The following EIF5A variants were observed in gnomAD, a reference collection of about 807,000 sequenced individuals.
EIF5A encodes the protein eukaryotic translation initiation factor 5A-1.
Under a neutral mutation model 16.6 loss-of-function variants are expected in EIF5A, and 1 was observed. The ratio of observed to expected loss-of-function variants is 0.06; its 90% CI spans 0.02 to 0.28. The LOEUF (loss-of-function observed/expected upper bound fraction) is 0.28, where lower values mean the gene tolerates loss of function less well. Among genes scored for constraint, EIF5A ranks in the 10% least tolerant of loss-of-function variants. The pLI is 1.00. For missense variants in EIF5A, 29 were observed against 196.1 expected, an observed-to-expected ratio of 0.15 and a Z score of 5.09; for synonymous variants, 80 against 73.6, an observed-to-expected ratio of 1.09 and a Z score of -0.44.
chr17:7,308,499 G>GA, intron 1 of EIF5A: 1 of 1,351,206 alleles, frequency 7.4e-7, no homozygotes, highest in Non-Finnish European at 9.8e-7. Flanking sequence ...GCAGGCATAT[G>GA]TTAGCGCTTC....
upstream of EIF5A, chr17:7,307,444 T>G: frequency 9.3e-7 from 1 of 1,073,354 alleles, no homozygotes; most frequent in Non-Finnish European, 1.1e-6. Context: ...TTGAAAACGC[T>G]CAGGGTTTGT....
chr17:7,308,127 C>T (rs1250043842), intron 1 of EIF5A: 1 of 916,870 alleles, frequency 1.1e-6, no homozygotes, highest in Non-Finnish European at 1.3e-6. Flanking sequence ...GGGGAGGGGG[C>T]TATTCGGTGA....
chr17:7,307,843 G>A, intron 1 of EIF5A, 91 bp downstream of exon 1: 1 of 698,710 alleles, frequency 1.4e-6, no homozygotes, highest in Non-Finnish European at 1.8e-6. Flanking sequence ...GGGCAGAGGG[G>A]AGCGGCGGCC....
intron 2 of EIF5A, chr17:7,310,087 A>C (rs960024626): frequency 1.6e-5 from 22 of 1,403,276 alleles, no homozygotes; most frequent in Admixed American, 2.1e-5. Flanking sequence ...TGCTCTAGCT[A>C]TTCAGTTGCT....
chr17:7,310,120 C>A (rs2072772309), intron 2 of EIF5A: 1 of 1,332,934 alleles, frequency 7.5e-7, no homozygotes, highest in Admixed American at 2.2e-5. Flanking sequence ...TTGGTTTTCA[C>A]TTTTTCTTTC....
In EIF5A at chr17:7,309,457, T is replaced by A. The variant is rs562837618; in HGVS notation, c.-21-158T>A. 3.2e-6 allele frequency: 3 copies of A among 941,206 alleles called. No homozygotes were observed. In the South Asian group the frequency reaches 4.9e-5, roughly 15 times the overall value. The allele number at this position is 941,206 out of a possible 1,614,324, so 58.3% of individuals were successfully genotyped here. A position where few individuals can be genotyped will look rare whatever the true frequency, so the allele number is the denominator to read the frequency against. ...TACACACACCAGTTCTTGAGTATATTTGAGCCCAGTCAGTATTTTAAGTTC... is the reference window on the plus strand; with the variant it reads ...TACACACACCAGTTCTTGAGTATATATGAGCCCAGTCAGTATTTTAAGTTC... On this transcript the variant is annotated intron_variant, in intron 1 of 5. Coordinates refer to ENST00000336458, the MANE Select transcript of EIF5A (RefSeq NM_001970.5).
Position 7,311,034 on chromosome 17 carries a change from T to C in EIF5A, c.182T>C (p.Ile61Thr), listed in dbSNP as rs746275196. 8 of 1,613,714 alleles carry C rather than the reference T, an allele frequency of 5.0e-6. No individual in the cohort carries two copies. The highest frequency in any genetic ancestry group is 1.7e-5 in the Admixed American group (1 of 59,988). Residue 61 changes from isoleucine (I) to threonine (T), a missense_variant, in exon 3 of 6, where the codon ATT becomes ACT. By Grantham distance (89) the Ile-to-Thr change is moderately conservative (BLOSUM62 -1). Coordinates refer to ENST00000336458, the MANE Select transcript of EIF5A (RefSeq NM_001970.5). ...HGHAKVHLVG[I>T]DIFTGKKYED... ...TACATACAGGTCCATCTGGTTGGTA[T>C]TGACATCTTTACTGGGAAGAAATAT...
At chr17:7,309,192 C>CA (rs397951895) in intron 1 of EIF5A, among the ~76,000 whole-genome samples, 1 of 151,470 alleles carries the variant, frequency 6.6e-6, no homozygotes, top group African/African-American at 2.4e-5. Flanking sequence ...TCCCCCCCCC[C>CA]AATTAGCCCT....
upstream of EIF5A, chr17:7,307,144 A>C (rs1234772896): frequency 1.3e-6 from 2 of 1,567,782 alleles, no homozygotes; most frequent in Middle Eastern, 1.7e-4. Flanking sequence ...GTTAAAGCCG[A>C]GGTGGGGCGT....
upstream of EIF5A, chr17:7,307,347 C>T: frequency 8.1e-7 from 1 of 1,232,644 alleles, no homozygotes; most frequent in Non-Finnish European, 1.0e-6. Context: ...GCAAGGACTG[C>T]CCGGTAGGAC....
chr17:7,310,245 G>A, intron 2 of EIF5A: 2 of 1,289,768 alleles, frequency 1.6e-6, no homozygotes, highest in Non-Finnish European at 2.0e-6. Context: ...AGGTCACCTT[G>A]CTGCTTCGTT....
chr17:7,309,189 C>T (rs1218383944), intron 1 of EIF5A, among the ~76,000 whole-genome samples: 1 of 151,856 alleles, frequency 6.6e-6, no homozygotes, highest in Non-Finnish European at 1.5e-5. Context: ...CCCTCCCCCC[C>T]CCCAATTAGC....
chr17:7,308,321 C>T lies in EIF5A; in HGVS notation c.-22+569C>T, dbSNP rs2072695356. The stretch of plus-strand genomic sequence containing the variant: ...CGGGGCCGCATGGCAGCGCGGGGAC[C>T]CCTCCCCCCAGGTCCCGGCCACCGG... On this transcript the variant is annotated intron_variant, in intron 1 of 5. Transcript: ENST00000336458. The T allele has an allele frequency of 8.6e-6, 10 of 1,157,508 alleles. No homozygotes were observed. The South Asian group carries it at 1.1e-4, about 13-fold the overall frequency. 71.7% of individuals were successfully genotyped at this position (1,157,508 alleles called of 1,614,324 possible). A position where few individuals can be genotyped will look rare whatever the true frequency, so the allele number is the denominator to read the frequency against.
In EIF5A at chr17:7,310,280, A is replaced by T. The variant is rs548920110; in HGVS notation, c.165+480A>T. ...TCCCCAGTTCTAGCTTTCCCTTTGG[A>T]ACTCTGACGCAGGATCAAACTGCCC... On this transcript the variant is annotated intron_variant, in intron 2 of 5. Coordinates refer to ENST00000336458, the MANE Select transcript of EIF5A (RefSeq NM_001970.5). The T allele has an allele frequency of 1.7e-4, 221 of 1,288,178 alleles. 2 individuals are homozygous for T. The South Asian group carries it at 2.5e-3, about 15-fold the overall frequency. The allele number at this position is 1,288,178 out of a possible 1,614,324, so 79.8% of individuals were successfully genotyped here. A position where few individuals can be genotyped will look rare whatever the true frequency, so the allele number is the denominator to read the frequency against.
intron 2 of EIF5A, 69 bp downstream of exon 2, chr17:7,309,869 C>A (rs1392772440): frequency 6.2e-7 from 1 of 1,613,882 alleles, no homozygotes; most frequent in Non-Finnish European, 8.5e-7. Context: ...CAGCAGCAAG[C>A]TGCCAACAGT....
chr17:7,310,015 T>A (rs554301319), intron 2 of EIF5A: 1 of 1,517,892 alleles, frequency 6.6e-7, no homozygotes, highest in Non-Finnish European at 8.8e-7. Flanking sequence ...CCCCGCATCA[T>A]TCTCTGGCAG....
At chr17:7,310,535 G>T in intron 2 of EIF5A, 1 of 1,124,490 alleles carries the variant, frequency 8.9e-7, no homozygotes, top group Non-Finnish European at 1.1e-6. Flanking sequence ...ATCCCTCTCT[G>T]TGCTCTTCTG....
chr17:7,311,211 T>G, intron 3 of EIF5A, 89 bp downstream of exon 3: 1 of 1,580,428 alleles, frequency 6.3e-7, no homozygotes, highest in Non-Finnish European at 8.6e-7. Context: ...GAGCTTGTGC[T>G]GGGAGAGAGG....
At chr17:7,308,493 G>T in intron 1 of EIF5A, 2 of 1,350,814 alleles carry the variant, frequency 1.5e-6, no homozygotes, top group Non-Finnish European at 2.0e-6. Flanking sequence ...CCTGCTGCAG[G>T]CATATGTTAG....
Sources: gnomAD v4.1 joint callset for allele counts (sites outside exome capture counted in the v4.1 genomes callset) on GRCh38, gnomAD v4.1.1 for gene constraint, MANE v1.5 for transcripts, NCBI Gene and HGNC (gene_info 2026-07-23, HGNC 2026-07-21) for gene names.